The following POC1A variants were observed in gnomAD, a reference collection of about 807,000 sequenced individuals.
POC1A encodes POC1 centriolar protein A.
A neutral mutation model predicts 47.8 loss-of-function variants in POC1A; 34 were observed. That is an observed-to-expected ratio of 0.71 (90% CI 0.54 to 0.95). POC1A has a LOEUF of 0.95. Ranked by LOEUF, POC1A falls within the 40% of genes least tolerant of loss-of-function variation. The pLI, the probability that POC1A is intolerant of heterozygous loss-of-function variation, is 0.00. For missense variants in POC1A, 466 were observed against 528.3 expected, an observed-to-expected ratio of 0.88 and a Z score of 1.16; for synonymous variants, 177 against 207.6, an observed-to-expected ratio of 0.85 and a Z score of 1.27.
chr3:52,098,558 C>T (rs191922607), intron 9 of POC1A, among the ~76,000 whole-genome samples: 1 of 152,208 alleles, frequency 6.6e-6, no homozygotes, highest in Non-Finnish European at 1.5e-5. Context: ...GTGGCCTTTA[C>T]AACAGAGGGT....
At chr3:52,117,240 C>A (rs139589073) in intron 9 of POC1A, among the ~76,000 whole-genome samples, 257 of 152,094 alleles carry the variant, frequency 1.7e-3, no homozygotes, top group Non-Finnish European at 2.8e-3. Context: ...ATAGTCCCAG[C>A]TACTCAGGAG....
chr3:52,153,943 G>A (rs1698636930), intron 1 of POC1A, among the ~76,000 whole-genome samples: 1 of 152,230 alleles, frequency 6.6e-6, no homozygotes, highest in Non-Finnish European at 1.5e-5. Flanking sequence ...CTGCAGGCCC[G>A]GGCATCCCAG....
At chr3:52,111,754 G>C (rs1023995977) in intron 9 of POC1A, among the ~76,000 whole-genome samples, 1 of 151,638 alleles carries the variant, frequency 6.6e-6, no homozygotes, top group Non-Finnish European at 1.5e-5. Flanking sequence ...GGCTCAGACA[G>C]AGACTCTCAC....
chr3:52,135,620 G>A (rs1414780384), intron 7 of POC1A, among the ~76,000 whole-genome samples: 4 of 152,172 alleles, frequency 2.6e-5, no homozygotes, highest in Non-Finnish European at 5.9e-5. Flanking sequence ...CACAGCAAAC[G>A]CTGGCAGACC....
chr3:52,150,049 CA>C, intron 2 of POC1A, 62 bp from the exon 3 acceptor site: 1 of 1,451,356 alleles, frequency 6.9e-7, no homozygotes, highest in Non-Finnish European at 9.5e-7. Context: ...TCCACCAAGA[CA>C]TTGGAGAGGC....
At position 52,150,954 on chromosome 3, in the gene POC1A, G is replaced by A. The variant is rs536591826; in HGVS notation, c.103+62C>T. The A allele has an allele frequency of 1.9e-5, 27 of 1,433,324 alleles. 1 individual carries two copies. The South Asian group carries it at 2.8e-4, about 15-fold the overall frequency. 88.8% of individuals were successfully genotyped at this position (1,433,324 alleles called of 1,614,324 possible). A position where few individuals can be genotyped will look rare whatever the true frequency, so the allele number is the denominator to read the frequency against. ...TCTGCTTCCCACCCACCACCCCTCCGAGGTAAAAACTTGGCCTGTTCAGCT... is the reference window on the plus strand; with the variant it reads ...TCTGCTTCCCACCCACCACCCCTCCAAGGTAAAAACTTGGCCTGTTCAGCT... On this transcript the variant is annotated intron_variant, in intron 2 of 10. Coordinates refer to ENST00000296484, the MANE Select transcript of POC1A (RefSeq NM_015426.5).
At chr3:52,119,919 T>A (rs1463896914) in intron 9 of POC1A, among the ~76,000 whole-genome samples, 1 of 152,146 alleles carries the variant, frequency 6.6e-6, no homozygotes, top group Non-Finnish European at 1.5e-5. Flanking sequence ...GGACAGAGGC[T>A]CATCGGACTC....
At chr3:52,076,325 A>G (rs1474786168) in intron 10 of POC1A, among the ~76,000 whole-genome samples, 2 of 152,188 alleles carry the variant, frequency 1.3e-5, no homozygotes, top group Non-Finnish European at 2.9e-5. Flanking sequence ...CCTGGCATTT[A>G]TATTGGAGTT....
chr3:52,149,135 G>A, intron 4 of POC1A, 75 bp downstream of exon 4: 3 of 1,301,084 alleles, frequency 2.3e-6, no homozygotes, highest in Non-Finnish European at 2.2e-6. Flanking sequence ...GTCATAAGTT[G>A]GTACCTAGCA....
intron 10 of POC1A, among the ~76,000 whole-genome samples, chr3:52,091,118 G>A (rs1702630462): frequency 1.3e-5 from 2 of 152,204 alleles, no homozygotes; most frequent in Admixed American, 1.3e-4. Flanking sequence ...CCCAGCAGGT[G>A]AGTGACCCCA....
chr3:52,082,290 A>G (rs1702323096), intron 10 of POC1A, among the ~76,000 whole-genome samples: 1 of 152,188 alleles, frequency 6.6e-6, no homozygotes, highest in Non-Finnish European at 1.5e-5. Context: ...GGGTGATGTC[A>G]GCGATGGGCT....
In POC1A at chr3:52,075,767, G is replaced by T; in HGVS notation, c.*120C>A. The T allele has an allele frequency of 1.3e-6, 1 of 782,958 alleles. No homozygotes were observed. The highest frequency in any genetic ancestry group is 2.2e-6 in the Non-Finnish European group (1 of 450,052). The allele number at this position is 782,958 out of a possible 1,614,324, so 48.5% of individuals were successfully genotyped here. A position where few individuals can be genotyped will look rare whatever the true frequency, so the allele number is the denominator to read the frequency against. On this transcript the variant is annotated 3_prime_UTR_variant, in exon 11 of 11. Coordinates refer to ENST00000296484, the MANE Select transcript of POC1A (RefSeq NM_015426.5). ...GAGGGCAGAACTGCAAAAATCCAGG[G>T]CTCCAGTATGGATGTGATTCCCACA...
At chr3:52,096,410 C>T (rs528247030) in intron 10 of POC1A, among the ~76,000 whole-genome samples, 159 bp downstream of exon 10, 1 of 152,366 alleles carries the variant, frequency 6.6e-6, no homozygotes, top group South Asian at 2.1e-4. Flanking sequence ...AGCCAGGATC[C>T]CCGGGAAGGC....
At chr3:52,140,146 G>A (rs904534192) in intron 6 of POC1A, among the ~76,000 whole-genome samples, 60 of 152,318 alleles carry the variant, frequency 3.9e-4, no homozygotes, top group Admixed American at 5.2e-4. Context: ...CAGGGTGCAC[G>A]CAGTCCCTCA....
chr3:52,151,004 G>A lies in POC1A; in HGVS notation c.103+12C>T, dbSNP rs773538143. On this transcript the variant is annotated intron_variant, in intron 2 of 10. Coordinates refer to ENST00000296484, the MANE Select transcript of POC1A (RefSeq NM_015426.5). ...TCATAACCTAGCACCTAGACAGGGTGCCTCTTCTTACCCAGCTGCTTTGTG... is the reference window on the plus strand; with the variant it reads ...TCATAACCTAGCACCTAGACAGGGTACCTCTTCTTACCCAGCTGCTTTGTG... The A allele has an allele frequency of 2.5e-6, 4 of 1,613,160 alleles. No homozygotes were observed. Among genetic ancestry groups the A allele is most frequent in the Non-Finnish European group, 3.4e-6 (4 of 1,179,372 alleles).
At chr3:52,130,329 G>C (rs958501532) in intron 7 of POC1A, among the ~76,000 whole-genome samples, 1 of 152,222 alleles carries the variant, frequency 6.6e-6, no homozygotes, top group African/African-American at 2.4e-5. Context: ...CTCAGACAGA[G>C]AGACAACAAT....
chr3:52,145,394 G>A (rs1193102815), intron 6 of POC1A, among the ~76,000 whole-genome samples: 4 of 152,242 alleles, frequency 2.6e-5, no homozygotes, highest in African/African-American at 4.8e-5. Context: ...AGGTGGCCAC[G>A]GTCCCACCAA....
chr3:52,117,862 A>T (rs896914276), intron 9 of POC1A, among the ~76,000 whole-genome samples: 3 of 152,194 alleles, frequency 2.0e-5, no homozygotes, highest in African/African-American at 7.2e-5. Context: ...AAAAGTGGTT[A>T]AAAAATGCTT....
rs1200304776 is a variant in POC1A, at chr3:52,149,831, A to G, written c.260T>C (p.Ile87Thr). 1 of 1,613,646 alleles carries G rather than the reference A, an allele frequency of 6.2e-7. No individual in the cohort carries two copies. The highest frequency in any genetic ancestry group is 1.1e-5 in the South Asian group (1 of 91,064). The change falls in exon 3 of 11, where the codon ATC (isoleucine) becomes ACC (threonine). Residue 87 changes from isoleucine (I) to threonine (T), a missense_variant. Transcript: ENST00000296484. ...TACGACTCACACATTGGGTACCCAG[A>G]TGCGGACAGTCTTGTCTCGGGAGCC... ...ASGSRDKTVRIWVPNVKGEST... is the reference protein window; with the variant it reads ...ASGSRDKTVRTWVPNVKGEST...
Sources: allele counts gnomAD v4.1 joint callset (sites outside exome capture counted in the v4.1 genomes callset), GRCh38; gene constraint gnomAD v4.1.1; transcripts MANE v1.5; gene names NCBI Gene and HGNC (gene_info 2026-07-23, HGNC 2026-07-21).